CCDC138: variants seen among roughly 807,000 people sequenced by gnomAD.
CCDC138 encodes the protein coiled-coil domain-containing protein 138.
CCDC138 carries 66 observed loss-of-function variants against 82.3 expected under a neutral mutation model. That is an observed-to-expected ratio of 0.80 (90% CI 0.66 to 0.98). The LOEUF is 0.98. CCDC138 is among the 50% of genes least tolerant of loss of function. The pLI is 0.00. For missense variants in CCDC138, 816 were observed against 758.9 expected, an observed-to-expected ratio of 1.08 and a Z score of -0.88; for synonymous variants, 297 against 265.4, an observed-to-expected ratio of 1.12 and a Z score of -1.16.
chr2:108,845,941 C>T (rs1398892904), intron 11 of CCDC138, among the ~76,000 whole-genome samples: 2 of 152,238 alleles, frequency 1.3e-5, no homozygotes, highest in East Asian at 1.9e-4. Context: ...TTTCATGCTA[C>T]TATTTCTATT....
intron 10 of CCDC138, among the ~76,000 whole-genome samples, chr2:108,820,649 C>T (rs1367024180): frequency 1.4e-5 from 2 of 147,152 alleles, no homozygotes; most frequent in South Asian, 2.1e-4. Context: ...GCAGATTTCT[C>T]AGCAGAAACC....
chr2:108,823,249 G>A (rs1483419345), intron 10 of CCDC138, among the ~76,000 whole-genome samples: 1 of 152,088 alleles, frequency 6.6e-6, no homozygotes, highest in South Asian at 2.1e-4. Flanking sequence ...CATATTCTTC[G>A]AAAAAATTGA....
At chr2:108,822,476 C>G (rs1485838170) in intron 10 of CCDC138, among the ~76,000 whole-genome samples, 1 of 152,192 alleles carries the variant, frequency 6.6e-6, no homozygotes, top group East Asian at 1.9e-4. Flanking sequence ...ACAGAACACT[C>G]TACCCAACAA....
chr2:108,862,323 C>T (rs1693768975), intron 13 of CCDC138, among the ~76,000 whole-genome samples: 1 of 152,064 alleles, frequency 6.6e-6, no homozygotes, highest in Non-Finnish European at 1.5e-5. Flanking sequence ...TGTTTCAAAG[C>T]ATTGTGTTTA....
chr2:108,818,925 A>G (rs1558668865), intron 10 of CCDC138, among the ~76,000 whole-genome samples: 1 of 152,132 alleles, frequency 6.6e-6, no homozygotes, highest in Non-Finnish European at 1.5e-5. Flanking sequence ...TATACTGGGT[A>G]TACCTTATAA....
At chr2:108,833,850 C>G (rs1036389438) in intron 10 of CCDC138, among the ~76,000 whole-genome samples, 1 of 150,102 alleles carries the variant, frequency 6.7e-6, no homozygotes, top group Non-Finnish European at 1.5e-5. Flanking sequence ...GCCTCAGCCT[C>G]CCGAGTAGCT....
At chr2:108,856,706 A>G in intron 12 of CCDC138, 88 bp from the exon 13 acceptor site, 4 of 1,228,322 alleles carry the variant, frequency 3.3e-6, no homozygotes, top group Admixed American at 2.4e-5. Context: ...GAGTTTGTTA[A>G]AGTAACGACA....
intron 13 of CCDC138, 72 bp from the exon 14 acceptor site, chr2:108,873,379 T>C: frequency 1.5e-6 from 2 of 1,324,682 alleles, no homozygotes; most frequent in Non-Finnish European, 2.0e-6. Context: ...CACATAGTTC[T>C]GATTTTAATT....
chr2:108,884,722 ACT>A (rs1270696537), intron 2 of CCDC138: 1 of 151,948 alleles, frequency 6.6e-6, no homozygotes, highest in African/African-American at 2.4e-5. Flanking sequence ...CCCGGATAGG[ACT>A]CTCAAGCAGC....
intron 13 of CCDC138, among the ~76,000 whole-genome samples, chr2:108,863,599 G>A (rs1693956777): frequency 6.6e-6 from 1 of 152,042 alleles, no homozygotes; most frequent in African/African-American, 2.4e-5. Context: ...TTTCTATTCT[G>A]GTTTGTTGAC....
downstream of CCDC138, among the ~76,000 whole-genome samples, chr2:108,877,555 A>C (rs1358893616): frequency 6.6e-6 from 1 of 151,828 alleles, no homozygotes; most frequent in Non-Finnish European, 1.5e-5. Context: ...TAGGATTAGC[A>C]TGACAAGAAC....
At chr2:108,816,696 T>A (rs13428562) in intron 10 of CCDC138, among the ~76,000 whole-genome samples, 10,741 of 152,110 alleles carry the variant, frequency 0.071, 1,292 homozygotes, top group African/African-American at 0.24. Flanking sequence ...ACCTCTTTTT[T>A]AAAAAGCTTT....
chr2:108,853,878 AATAT>A (rs1286549068), intron 12 of CCDC138, among the ~76,000 whole-genome samples: 49 of 124,846 alleles, frequency 3.9e-4, no homozygotes, highest in African/African-American at 1.5e-3. Flanking sequence ...TATACTATAT[AATAT>A]ATTATATAGT....
chr2:108,814,106 A>G (rs1284494371), intron 9 of CCDC138, among the ~76,000 whole-genome samples: 2 of 152,228 alleles, frequency 1.3e-5, no homozygotes, highest in Non-Finnish European at 2.9e-5. Flanking sequence ...GATATATACC[A>G]GGACTACAAT....
chr2:108,815,472 T>TTTG (rs1684617993), intron 9 of CCDC138, among the ~76,000 whole-genome samples: 2 of 138,654 alleles, frequency 1.4e-5, no homozygotes, highest in African/African-American at 5.5e-5. Flanking sequence ...TTTTTTTTTT[T>TTTG]TTTTTTTTTT....
intron 11 of CCDC138, among the ~76,000 whole-genome samples, chr2:108,844,547 G>A (rs1470944083): frequency 6.6e-6 from 1 of 152,106 alleles, no homozygotes; most frequent in African/African-American, 2.4e-5. Context: ...GGCAGCTGTT[G>A]ATTGTCTTTT....
intron 10 of CCDC138, among the ~76,000 whole-genome samples, chr2:108,836,293 A>G (rs897553629): frequency 2.0e-5 from 3 of 152,228 alleles, no homozygotes; most frequent in Non-Finnish European, 2.9e-5. Flanking sequence ...TTCACTTAGC[A>G]TAATATCCAT....
At chr2:108,831,510 T>C (rs569922234) in intron 10 of CCDC138, among the ~76,000 whole-genome samples, 15 of 152,276 alleles carry the variant, frequency 9.9e-5, no homozygotes, top group Admixed American at 8.5e-4. Flanking sequence ...AAGTGAAATT[T>C]TTTCATGAAA....
At chr2:108,787,023 C>CCCGGCA (rs1037267626) in intron 1 of CCDC138, 108 bp downstream of exon 1, 17 of 592,956 alleles carry the variant, frequency 2.9e-5, no homozygotes, top group African/African-American at 2.8e-4. Flanking sequence ...TGGTCCCGGC[C>CCCGGCA]CCGGCACTCC....
Sources: gnomAD v4.1 joint callset for allele counts (sites outside exome capture counted in the v4.1 genomes callset) on GRCh38, gnomAD v4.1.1 for gene constraint, MANE v1.5 for transcripts, NCBI Gene and HGNC (gene_info 2026-07-23, HGNC 2026-07-21) for gene names.